The following ITGA11 variants were observed in gnomAD, a reference collection of about 807,000 sequenced individuals.
ITGA11 encodes integrin subunit alpha 11.
Under a neutral mutation model 141.9 loss-of-function variants are expected in ITGA11, and 97 were observed. That is an observed-to-expected ratio of 0.68 (90% CI 0.58 to 0.81). ITGA11 has a LOEUF of 0.81. Ranked by LOEUF, ITGA11 falls within the 30% of genes least tolerant of loss-of-function variation. The probability of loss-of-function intolerance (pLI) is 0.00; values close to 1 mark genes in which losing one functional copy is unlikely to be tolerated. For synonymous variants in ITGA11, 658 were observed against 624.6 expected (o/e 1.05, Z -0.80); for missense variants, 1,387 against 1,559.2 (o/e 0.89, Z 1.86).
chr15:68,303,205 C>G lies in ITGA11; in HGVS notation c.3496-75G>C. 7.7e-7 allele frequency: 1 copy of G among 1,307,014 alleles called. No individual in the cohort carries two copies. The highest frequency in any genetic ancestry group is 1.1e-6 in the Non-Finnish European group (1 of 936,836). 81.0% of individuals were successfully genotyped at this position (1,307,014 alleles called of 1,614,324 possible). On this transcript the variant is annotated intron_variant, in intron 29 of 29. Coordinates refer to ENST00000315757, the MANE Select transcript of ITGA11 (RefSeq NM_001004439.2). The surrounding 1 kb of genome is among the most constrained non-coding windows in gnomAD (Gnocchi z 5.3). ...GCCTGCCCCAGCTTTCCCTCCACTA[C>G]CTTTCCTTGGGATTCCTCCCTCAGG...
intron 20 of ITGA11, among the ~76,000 whole-genome samples, chr15:68,318,916 C>A (rs1443090093): frequency 1.3e-5 from 2 of 152,214 alleles, no homozygotes; most frequent in Non-Finnish European, 2.9e-5. Context: ...TGAGTTTACT[C>A]AACAAACTTG....
In ITGA11 at chr15:68,303,070, C is replaced by T. The variant is rs1028805787; in HGVS notation, c.3556G>A (p.Val1186Met). The T allele has an allele frequency of 6.5e-7, 1 of 1,550,128 alleles. No homozygotes were observed. Among genetic ancestry groups the T allele is most frequent in the Admixed American group, 2.0e-5 (1 of 50,974 alleles). ...TCTCCTCTGGAGCCTCACTCCAGCA[C>T]TTTGGGGGTGGGGTCCAGACCAGGC... The part of the protein sequence containing the change: ...REPGLDPTPK[V>M]LE The change falls in exon 30 of 30, where the codon GTG (valine) becomes ATG (methionine). Residue 1186 changes from valine to methionine, a missense_variant. Coordinates refer to ENST00000315757, the MANE Select transcript of ITGA11 (RefSeq NM_001004439.2). This position sits in a 1 kb window ranked among gnomAD's most constrained non-coding sequence, Gnocchi z 5.3.
In ITGA11 at chr15:68,307,533, C is replaced by A. The variant is rs1373691223; in HGVS notation, c.3285+53G>T. On this transcript the variant is annotated intron_variant, in intron 27 of 29. Transcript: ENST00000315757. The surrounding 1 kb of genome is among the most constrained non-coding windows in gnomAD (Gnocchi z 6.1). ...CAGCCCCAGGTGGAAGACATCCCAA[C>A]AGCCGCCCCCTTTCCCTTCTTCCTT... 6.6e-7 allele frequency: 1 copy of A among 1,524,350 alleles called. No homozygotes were observed. The highest frequency in any genetic ancestry group is 1.4e-5 in the African/African-American group (1 of 73,054). 94.4% of individuals were successfully genotyped at this position (1,524,350 alleles called of 1,614,324 possible).
At chr15:68,334,538 G>A (rs1306867464) in intron 12 of ITGA11, among the ~76,000 whole-genome samples, 1 of 151,538 alleles carries the variant, frequency 6.6e-6, no homozygotes, top group Non-Finnish European at 1.5e-5. Flanking sequence ...TAACTGAGGA[G>A]AAGGATAAAA....
chr15:68,398,746 T>TAA (rs1566937720), intron 2 of ITGA11, among the ~76,000 whole-genome samples: 2 of 147,828 alleles, frequency 1.4e-5, no homozygotes, highest in African/African-American at 4.9e-5. Context: ...ATATTAACTG[T>TAA]AAATATAACT....
chr15:68,414,210 G>A lies in ITGA11; in HGVS notation c.53-11181C>T, dbSNP rs566533468. On this transcript the variant is annotated intron_variant, in intron 1 of 29. Coordinates refer to ENST00000315757, the MANE Select transcript of ITGA11 (RefSeq NM_001004439.2). ...CAGACCCCCTCTTAATTCAAAACTTGCGGACACCAGGCAGGGAGCACCAGC... is the reference window on the plus strand; with the variant it reads ...CAGACCCCCTCTTAATTCAAAACTTACGGACACCAGGCAGGGAGCACCAGC... 5.3e-5 allele frequency among the ~76,000 whole-genome samples: 8 copies of A among 152,290 alleles called. No individual in the cohort carries two copies. In the East Asian group the frequency reaches 1.4e-3, roughly 26 times the overall value.
At position 68,309,074 on chromosome 15, in the gene ITGA11, C is replaced by T. The variant is rs143400990; in HGVS notation, c.3175-1378G>A. The stretch of plus-strand genomic sequence containing the variant: ...AATTTTAAACAAGTGACATCAAGAT[C>T]CTGAAGCATTTCTTCAAATAATTAT... On this transcript the variant is annotated intron_variant, in intron 26 of 29. Coordinates refer to ENST00000315757, the MANE Select transcript of ITGA11 (RefSeq NM_001004439.2). Among the ~76,000 whole-genome samples, 81 of 152,332 alleles carry T rather than the reference C, an allele frequency of 5.3e-4. 1 individual carries two copies. The East Asian group carries it at 0.013, about 24-fold the overall frequency.
intron 10 of ITGA11, among the ~76,000 whole-genome samples, chr15:68,344,246 C>T (rs140752726): frequency 1.0e-3 from 152 of 152,192 alleles, no homozygotes; most frequent in East Asian, 4.4e-3. Context: ...CTTGACTGCC[C>T]GCCCAGCCTG....
chr15:68,394,834 CT>C (rs1204614624), intron 2 of ITGA11, among the ~76,000 whole-genome samples: 1 of 152,166 alleles, frequency 6.6e-6, no homozygotes. Context: ...GTACAAATTA[CT>C]TGAAAAACCC....
chr15:68,325,179 G>A lies in ITGA11; in HGVS notation c.2274C>T (p.Asp758=), dbSNP rs1361867326. The A allele has an allele frequency of 1.2e-6, 2 of 1,613,990 alleles. No homozygotes were observed. Among genetic ancestry groups the A allele is most frequent in the Non-Finnish European group, 1.7e-6 (2 of 1,179,876 alleles). The change falls in exon 18 of 30, where the codon GAC becomes GAT. Residue 758 remains aspartate (D), a synonymous_variant. Coordinates refer to ENST00000315757, the MANE Select transcript of ITGA11 (RefSeq NM_001004439.2). The surrounding 1 kb of genome is among the most constrained non-coding windows in gnomAD (Gnocchi z 5.5). ...FSVEYSLEDP[D]HGPMLDDGWP... The stretch of plus-strand genomic sequence containing the variant: ...AGCCGTCGTCCAGCATGGGGCCATG[G>A]TCAGGGTCCTCCAGGGAATACTCGA...
intron 25 of ITGA11, 55 bp downstream of exon 25, chr15:68,311,235 A>G (rs1893371185): frequency 1.5e-6 from 2 of 1,315,116 alleles, no homozygotes; most frequent in Non-Finnish European, 2.1e-6. Context: ...ACGTAGGGGG[A>G]GTGTCTGTCT....
chr15:68,363,125 G>A (rs764746306), intron 4 of ITGA11, among the ~76,000 whole-genome samples: 1 of 152,164 alleles, frequency 6.6e-6, no homozygotes, highest in African/African-American at 2.4e-5. Context: ...ATGGTGGATC[G>A]ATGTATAGAC....
chr15:68,337,371 C>T (rs1010194183), intron 11 of ITGA11, among the ~76,000 whole-genome samples: 2 of 152,130 alleles, frequency 1.3e-5, no homozygotes, highest in South Asian at 4.1e-4. Context: ...GAAATTTATA[C>T]TGCACCCCCA....
intron 2 of ITGA11, among the ~76,000 whole-genome samples, chr15:68,402,385 T>G (rs925541656): frequency 6.6e-6 from 1 of 152,132 alleles, no homozygotes; most frequent in African/African-American, 2.4e-5. Flanking sequence ...GTGAGTTAGA[T>G]GATAAAATAT....
At chr15:68,351,774 T>C (rs1894918104) in intron 7 of ITGA11, among the ~76,000 whole-genome samples, 1 of 151,830 alleles carries the variant, frequency 6.6e-6, no homozygotes, top group African/African-American at 2.4e-5. Flanking sequence ...CACTGACATC[T>C]CTCGGAGGGA....
intron 1 of ITGA11, among the ~76,000 whole-genome samples, chr15:68,409,686 G>C (rs987023172): frequency 6.6e-6 from 1 of 151,980 alleles, no homozygotes; most frequent in East Asian, 1.9e-4. Flanking sequence ...AAAAATAATT[G>C]TGTACATGAA....
chr15:68,402,284 G>T (rs1427013505), intron 2 of ITGA11, among the ~76,000 whole-genome samples: 1 of 152,084 alleles, frequency 6.6e-6, no homozygotes, highest in African/African-American at 2.4e-5. Context: ...TCTTACTGGG[G>T]TGATAAAAAT....
At chr15:68,400,610 A>T (rs1214514063) in intron 2 of ITGA11, among the ~76,000 whole-genome samples, 1 of 99,502 alleles carries the variant, frequency 1.0e-5, no homozygotes, top group Non-Finnish European at 1.9e-5. Context: ...ATTATAATAT[A>T]TAATATATAT....
chr15:68,369,722 G>A (rs369317305), intron 2 of ITGA11, among the ~76,000 whole-genome samples: 261 of 152,362 alleles, frequency 1.7e-3, no homozygotes, highest in African/African-American at 5.3e-3. Context: ...TTACCTGAAA[G>A]GGCCCTCATT....
Sources: allele counts gnomAD v4.1 joint callset (sites outside exome capture counted in the v4.1 genomes callset), GRCh38; gene constraint gnomAD v4.1.1; non-coding constraint Gnocchi (gnomAD v3.1); transcripts MANE v1.5; gene names NCBI Gene and HGNC (gene_info 2026-07-23, HGNC 2026-07-21).